RIMS2: variants seen among roughly 807,000 people sequenced by gnomAD.
The protein encoded by RIMS2 is regulating synaptic membrane exocytosis protein 2.
Under a neutral mutation model 174.4 loss-of-function variants are expected in RIMS2, and 59 were observed. The ratio of observed to expected loss-of-function variants is 0.34; its 90% CI spans 0.27 to 0.42. The LOEUF (loss-of-function observed/expected upper bound fraction) is 0.42, where lower values mean the gene tolerates loss of function less well. Among genes scored for constraint, RIMS2 ranks in the 10% least tolerant of loss-of-function variants. RIMS2 has a pLI of 1.00. For synonymous variants in RIMS2, 606 were observed against 572.5 expected (o/e 1.06, Z -0.84); for missense variants, 1,620 against 1,666.3 (o/e 0.97, Z 0.48).
intron 1 of RIMS2, among the ~76,000 whole-genome samples, chr8:103,607,248 C>A (rs915106281): frequency 6.6e-6 from 1 of 151,930 alleles, no homozygotes; most frequent in Non-Finnish European, 1.5e-5. Context: ...TTTTATTTCT[C>A]CTTCACTTAT....
intron 4 of RIMS2, among the ~76,000 whole-genome samples, chr8:103,887,898 T>C (rs1159702408): frequency 6.6e-6 from 1 of 151,570 alleles, no homozygotes; most frequent in Non-Finnish European, 1.5e-5. Flanking sequence ...TGTTCCTAAT[T>C]AGGAAGGCTA....
At chr8:103,641,713 C>A (rs931321756) in intron 1 of RIMS2, among the ~76,000 whole-genome samples, 1 of 151,888 alleles carries the variant, frequency 6.6e-6, no homozygotes, top group Admixed American at 6.6e-5. Flanking sequence ...TCATCTTGTT[C>A]GTTCTCATGA....
At chr8:103,740,994 A>G (rs1175327384) in intron 2 of RIMS2, among the ~76,000 whole-genome samples, 3 of 152,094 alleles carry the variant, frequency 2.0e-5, no homozygotes, top group African/African-American at 7.2e-5. Context: ...CAAAATATGT[A>G]TATAAGTTGA....
intron 17 of RIMS2, among the ~76,000 whole-genome samples, chr8:103,994,859 T>C (rs2094968866): frequency 6.6e-6 from 1 of 152,108 alleles, no homozygotes; most frequent in East Asian, 1.9e-4. Context: ...GCTTTGGCTT[T>C]ATAGGGACAA....
chr8:103,998,031 T>C (rs372151727), intron 17 of RIMS2, among the ~76,000 whole-genome samples: 51 of 151,802 alleles, frequency 3.4e-4, no homozygotes, highest in African/African-American at 1.2e-3. Context: ...CAGTGAACAT[T>C]GGGAGGAGGG....
chr8:103,786,853 C>T (rs1564628319), intron 3 of RIMS2, among the ~76,000 whole-genome samples: 1 of 152,046 alleles, frequency 6.6e-6, no homozygotes, highest in Admixed American at 6.6e-5. Flanking sequence ...GTTGATCTGT[C>T]TAATGTTGAC....
intron 19 of RIMS2, among the ~76,000 whole-genome samples, chr8:104,185,693 A>T (rs886350547): frequency 3.3e-5 from 5 of 151,788 alleles, no homozygotes; most frequent in African/African-American, 1.2e-4. Context: ...ACAATGAGAT[A>T]TTATATACAC....
intron 19 of RIMS2, among the ~76,000 whole-genome samples, chr8:104,097,352 A>C (rs2097780490): frequency 6.6e-6 from 1 of 152,164 alleles, no homozygotes; most frequent in Non-Finnish European, 1.5e-5. Context: ...GTTTGTCTGC[A>C]TTGAATGATC....
intron 2 of RIMS2, among the ~76,000 whole-genome samples, chr8:103,715,676 T>C (rs1035549917): frequency 6.6e-6 from 1 of 152,186 alleles, no homozygotes; most frequent in African/African-American, 2.4e-5. Context: ...TATTTTCTCA[T>C]TTTATTTTCC....
chr8:103,863,434 T>C (rs1594083626), intron 3 of RIMS2, among the ~76,000 whole-genome samples: 1 of 152,122 alleles, frequency 6.6e-6, no homozygotes, highest in Non-Finnish European at 1.5e-5. Flanking sequence ...TGCCAGATTT[T>C]GGTATTAGGC....
At chr8:103,935,783 T>G (rs558832778) in intron 12 of RIMS2, among the ~76,000 whole-genome samples, 30 of 152,338 alleles carry the variant, frequency 2.0e-4, no homozygotes, top group Admixed American at 9.1e-4. Context: ...AATATTTGAA[T>G]GTTTAAAAAT....
intron 2 of RIMS2, among the ~76,000 whole-genome samples, chr8:103,756,135 G>A (rs1426073189): frequency 6.6e-6 from 1 of 152,144 alleles, no homozygotes; most frequent in African/African-American, 2.4e-5. Context: ...TTTTGTTGAT[G>A]TTGATGGTAC....
intron 19 of RIMS2, among the ~76,000 whole-genome samples, chr8:104,100,829 A>T (rs1598844467): frequency 7.1e-6 from 1 of 140,912 alleles, no homozygotes; most frequent in East Asian, 2.0e-4. Flanking sequence ...TTATATATGT[A>T]ATATATAATA....
chr8:104,099,479 T>A (rs532175876), intron 19 of RIMS2, among the ~76,000 whole-genome samples: 3 of 152,316 alleles, frequency 2.0e-5, no homozygotes, highest in African/African-American at 7.2e-5. Flanking sequence ...AACACTCAAC[T>A]GGGAACTTTT....
At chr8:103,737,719 C>G (rs2097705019) in intron 2 of RIMS2, among the ~76,000 whole-genome samples, 1 of 152,116 alleles carries the variant, frequency 6.6e-6, no homozygotes, top group Non-Finnish European at 1.5e-5. Flanking sequence ...CTGAAGCAAC[C>G]AAGCCCTTTC....
chr8:103,842,095 G>A (rs2098943378), intron 3 of RIMS2, among the ~76,000 whole-genome samples: 1 of 152,106 alleles, frequency 6.6e-6, no homozygotes, highest in African/African-American at 2.4e-5. Context: ...ATGAGATTAT[G>A]GTAATCAGAA....
At chr8:103,906,227 T>TTTTTG (rs1182139546) in intron 4 of RIMS2, among the ~76,000 whole-genome samples, 11 of 152,188 alleles carry the variant, frequency 7.2e-5, no homozygotes, top group South Asian at 2.1e-4. Flanking sequence ...ACATGACAGT[T>TTTTTG]TTTTGTTTTG....
At chr8:104,192,038 G>C (rs1171487728) in intron 19 of RIMS2, among the ~76,000 whole-genome samples, 1 of 152,098 alleles carries the variant, frequency 6.6e-6, no homozygotes, top group Non-Finnish European at 1.5e-5. Context: ...TACTATGTAT[G>C]AGCCAAAAAA....
downstream of RIMS2, chr8:104,254,683 A>C (rs2099365648): frequency 6.6e-6 from 1 of 152,194 alleles, no homozygotes; most frequent in African/African-American, 2.4e-5. Context: ...TTTCTGATTA[A>C]ATGACTCAGC....
Sources: gnomAD v4.1 joint callset for allele counts (sites outside exome capture counted in the v4.1 genomes callset) on GRCh38, gnomAD v4.1.1 for gene constraint, MANE v1.5 for transcripts, NCBI Gene and HGNC (gene_info 2026-07-23, HGNC 2026-07-21) for gene names.